The following FSIP2 variants were observed in gnomAD, a reference collection of about 807,000 sequenced individuals.
The protein encoded by FSIP2 is fibrous sheath interacting protein 2, also known as fibrous sheath-interacting protein 2.
Under a neutral mutation model 510.5 loss-of-function variants are expected in FSIP2, and 367 were observed. The ratio of observed to expected loss-of-function variants is 0.72; its 90% CI spans 0.66 to 0.78. The LOEUF (loss-of-function observed/expected upper bound fraction) is 0.78. FSIP2 is among the 30% of genes least tolerant of loss of function. FSIP2 has a pLI of 0.00. For synonymous variants in FSIP2, 2,601 were observed against 2,732.2 expected (o/e 0.95, Z 1.50); for missense variants, 7,594 against 7,901.7 (o/e 0.96, Z 1.48).
chr2:185,755,483 T>C (rs1026915278), intron 8 of FSIP2, among the ~76,000 whole-genome samples: 3 of 151,696 alleles, frequency 2.0e-5, no homozygotes, highest in Middle Eastern at 3.4e-3. Context: ...GAAGAAGTAG[T>C]ATGAAAATGA....
rs751135484 is a variant in FSIP2 at position 185,806,366 on chromosome 2, A to G, written c.17060A>G (p.Asp5687Gly). Residue 5687 changes from aspartate to glycine, a missense_variant, in exon 17 of 23, where the codon GAT becomes GGT. Asp to Gly is a moderately conservative substitution (Grantham distance 94, BLOSUM62 -1). Transcript: ENST00000424728. ...VQNVIENIFE[D>G]VLELSSSPEP... Reference sequence around the variant, plus strand: ...AATGTCATTGAAAATATTTTTGAAGATGTTTTAGAACTATCTTCTTCTCCA... The same window carrying G: ...AATGTCATTGAAAATATTTTTGAAGGTGTTTTAGAACTATCTTCTTCTCCA... The G allele has an allele frequency of 1.2e-6, 2 of 1,610,786 alleles. No homozygotes were observed. The highest frequency in any genetic ancestry group is 2.7e-5 in the African/African-American group (2 of 74,716).
chr2:185,789,592 T>C lies in FSIP2; in HGVS notation c.2456T>C (p.Ile819Thr). 10 of 1,535,000 alleles carry C rather than the reference T, an allele frequency of 6.5e-6. No homozygotes were observed. The highest frequency in any genetic ancestry group is 8.7e-6 in the Non-Finnish European group (10 of 1,145,978). The change falls in exon 16 of 23, where the codon ATT becomes ACT. Residue 819 changes from isoleucine to threonine, a missense_variant. Transcript: ENST00000424728. Reference sequence around the variant, plus strand: ...CATACTTTGGACCCAATGTGTGATATTGCAGAGGACATGGTGCATGCCATT... The same window carrying C: ...CATACTTTGGACCCAATGTGTGATACTGCAGAGGACATGGTGCATGCCATT... ...MPHTLDPMCD[I>T]AEDMVHAILE...
chr2:185,802,286 C>A lies in FSIP2; in HGVS notation c.12980C>A (p.Thr4327Asn). 1 of 1,533,754 alleles carries A rather than the reference C, an allele frequency of 6.5e-7. No individual in the cohort carries two copies. Among genetic ancestry groups the A allele is most frequent in the East Asian group, 2.4e-5 (1 of 40,840 alleles). Residue 4327 changes from threonine to asparagine, a missense_variant, in exon 17 of 23, where the codon ACT becomes AAT. Physicochemically the swap from Thr to Asn is moderately conservative, Grantham distance 65. Coordinates refer to ENST00000424728, the MANE Select transcript of FSIP2 (RefSeq NM_173651.4). ...LSKIFSPKHN[T>N]EIELKNMTQR... is the part of the protein sequence containing the mutation. Reference sequence around the variant, plus strand: ...AAGATTTTCAGCCCAAAGCATAACACTGAAATTGAGTTGAAAAACATGACC... The same window carrying A: ...AAGATTTTCAGCCCAAAGCATAACAATGAAATTGAGTTGAAAAACATGACC...
At chr2:185,786,042 T>C (rs1261864247) in intron 14 of FSIP2, among the ~76,000 whole-genome samples, 2 of 151,808 alleles carry the variant, frequency 1.3e-5, no homozygotes, top group Non-Finnish European at 2.9e-5. Flanking sequence ...TCTGTACCCC[T>C]GGGTAATAAA....
intron 19 of FSIP2, among the ~76,000 whole-genome samples, chr2:185,823,515 T>G (rs1384844696): frequency 6.6e-6 from 1 of 151,160 alleles, no homozygotes; most frequent in Non-Finnish European, 1.5e-5. Context: ...GATGCCACTT[T>G]CAACACATTA....
chr2:185,814,073 G>C (rs2105667791), intron 18 of FSIP2, 31 bp downstream of exon 18: 1 of 1,571,506 alleles, frequency 6.4e-7, no homozygotes. Context: ...TTAGTGACTA[G>C]AAAGGGGAGA....
In FSIP2 at chr2:185,806,500, A is replaced by C; in HGVS notation, c.17194A>C (p.Lys5732Gln). Residue 5732 changes from lysine to glutamine, a missense_variant, in exon 17 of 23, where the codon AAA (lysine) becomes CAA (glutamine). By Grantham distance (53) the Lys-to-Gln change is moderately conservative. Transcript: ENST00000424728. ...GGATTCGGCACAGTCTGTTACAACA[A>C]AAAAAGTATCCTCCTCAACTAACAA... ...SRDSAQSVTTKKVSSSTNKNI... is the reference protein window; with the variant it reads ...SRDSAQSVTTQKVSSSTNKNI... The C allele has an allele frequency of 6.2e-7, 1 of 1,602,858 alleles. No homozygotes were observed. Among genetic ancestry groups the C allele is most frequent in the Non-Finnish European group, 8.5e-7 (1 of 1,176,528 alleles).
intron 13 of FSIP2, among the ~76,000 whole-genome samples, chr2:185,776,392 T>A (rs1163552551): frequency 6.6e-6 from 1 of 152,198 alleles, no homozygotes; most frequent in Admixed American, 6.5e-5. Context: ...TGCTTTTCAT[T>A]GCTTTATACG....
At chr2:185,766,217 G>A (rs1460974533) in intron 13 of FSIP2, 3 of 151,718 alleles carry the variant, frequency 2.0e-5, no homozygotes, top group Admixed American at 2.0e-4. Context: ...AAAAACCCTA[G>A]AAGAAAACCT....
chr2:185,787,303 T>C (rs895010889), intron 15 of FSIP2, among the ~76,000 whole-genome samples: 6 of 151,796 alleles, frequency 4.0e-5, no homozygotes, highest in African/African-American at 1.4e-4. Context: ...AAAAATATGT[T>C]TGTGTATTTG....
chr2:185,831,384 T>A (rs1694105561), intron 21 of FSIP2, among the ~76,000 whole-genome samples: 1 of 151,958 alleles, frequency 6.6e-6, no homozygotes, highest in Admixed American at 6.6e-5. Context: ...TGCTCCAGAC[T>A]CTGCAGTGGC....
rs954783895 is a variant in FSIP2 at position 185,793,174 on chromosome 2, G to A, written c.6038G>A (p.Gly2013Glu). The A allele has an allele frequency of 2.0e-6, 3 of 1,533,808 alleles. No individual in the cohort carries two copies. In the African/African-American group the frequency reaches 4.1e-5, roughly 21 times the overall value. The change falls in exon 16 of 23, where the codon GGA (glycine) becomes GAA (glutamate). Residue 2013 changes from glycine (G) to glutamate (E), a missense_variant. Coordinates refer to ENST00000424728, the MANE Select transcript of FSIP2 (RefSeq NM_173651.4). ...ALQVARRNLQ[G>E]IKQELDKERE... is the part of the protein sequence containing the mutation. ...CAAGTGGCTAGAAGAAATTTACAAG[G>A]AATCAAACAGGAATTAGATAAAGAA...
Position 185,795,854 on chromosome 2 carries a change from C to A in FSIP2, c.8718C>A (p.Ala2906=). The change falls in exon 16 of 23, where the codon GCC becomes GCA. Residue 2906 remains alanine, a synonymous_variant. Coordinates refer to ENST00000424728, the MANE Select transcript of FSIP2 (RefSeq NM_173651.4). The part of the protein sequence containing the change: ...YNHFKGASTR[A]EDTKAQINMF... ...ATTTTAAAGGAGCTTCTACTAGAGC[C>A]GAGGATACTAAAGCACAAATTAATA... 6.5e-7 allele frequency: 1 copy of A among 1,532,188 alleles called. No individual in the cohort carries two copies. The allele number at this position is 1,532,188 out of a possible 1,614,324, so 94.9% of individuals were successfully genotyped here.
chr2:185,764,719 A>G (rs942504951), intron 13 of FSIP2, 154 bp downstream of exon 13: 6 of 574,422 alleles, frequency 1.0e-5, no homozygotes, highest in Non-Finnish European at 1.9e-5. Context: ...CTTACAGTAT[A>G]CTTGGAAAGA....
Position 185,806,454 on chromosome 2 carries a change from T to C in FSIP2, c.17148T>C (p.Asn5716=). Residue 5716 remains asparagine, a synonymous_variant, in exon 17 of 23, where the codon AAT becomes AAC. Transcript: ENST00000424728. ...GCCCCCCAGGTGATAATGTATTAAA[T>C]GTAATTCAAGAGATTAGCAGGGATT... is the stretch of plus-strand genomic sequence containing the variant. ...DQSPPGDNVL[N]VIQEISRDSA... is the part of the protein sequence containing the mutation. 1 of 1,611,802 alleles carries C rather than the reference T, an allele frequency of 6.2e-7. No individual in the cohort carries two copies. The highest frequency in any genetic ancestry group is 1.3e-5 in the African/African-American group (1 of 74,824).
In FSIP2 at chr2:185,793,991, T is replaced by C; in HGVS notation, c.6855T>C (p.Val2285=). The C allele has an allele frequency of 6.5e-7, 1 of 1,532,732 alleles. No homozygotes were observed. Among genetic ancestry groups the C allele is most frequent in the South Asian group, 1.2e-5 (1 of 83,600 alleles). 94.9% of individuals were successfully genotyped at this position (1,532,732 alleles called of 1,614,324 possible). ...TCCAAAGTAAAGAAAAGTCATTTGTTATCCCAGAATTGGAAAATTGTAAAC... is the reference window on the plus strand; with the variant it reads ...TCCAAAGTAAAGAAAAGTCATTTGTCATCCCAGAATTGGAAAATTGTAAAC... ...LAFQSKEKSF[V]IPELENCKQN... Residue 2285 remains valine (V), a synonymous_variant, in exon 16 of 23, where the codon GTT becomes GTC. Coordinates refer to ENST00000424728, the MANE Select transcript of FSIP2 (RefSeq NM_173651.4).
rs1693050936 is a variant in FSIP2, at chr2:185,788,946, G to C, written c.1810G>C (p.Ala604Pro). ...AACCACACCTATAAAACCTCCTCCT[G>C]CACATGTGGAAAAAACAGTTGTGGG... Reference protein sequence around the residue: ...RPTTPIKPPPAHVEKTVVGKT... With the variant: ...RPTTPIKPPPPHVEKTVVGKT... Residue 604 changes from alanine (A) to proline (P), a missense_variant, in exon 16 of 23, where the codon GCA becomes CCA. Physicochemically the swap from Ala to Pro is conservative, Grantham distance 27. Transcript: ENST00000424728. 6.5e-7 allele frequency: 1 copy of C among 1,534,798 alleles called. No homozygotes were observed. Among genetic ancestry groups the C allele is most frequent in the Non-Finnish European group, 8.7e-7 (1 of 1,146,016 alleles).
intron 21 of FSIP2, among the ~76,000 whole-genome samples, chr2:185,829,360 T>A (rs921110251): frequency 1.3e-5 from 2 of 151,930 alleles, no homozygotes; most frequent in Non-Finnish European, 2.9e-5. Context: ...TAACAAGAGT[T>A]AGGGCAGGGG....
At chr2:185,764,612 T>C (rs896952788) in intron 13 of FSIP2, 47 bp downstream of exon 13, 4 of 1,261,766 alleles carry the variant, frequency 3.2e-6, no homozygotes, top group Non-Finnish European at 4.4e-6. Flanking sequence ...TTCTATTTAT[T>C]CTTTCAACTG....
Sources: gnomAD v4.1 joint callset for allele counts (sites outside exome capture counted in the v4.1 genomes callset) on GRCh38, gnomAD v4.1.1 for gene constraint, MANE v1.5 for transcripts, NCBI Gene and HGNC (gene_info 2026-07-23, HGNC 2026-07-21) for gene names.